AHCTF1: variants seen among roughly 807,000 people sequenced by gnomAD.
AHCTF1 encodes the protein AT-hook containing transcription factor 1, also known as protein ELYS.
In AHCTF1, 24 loss-of-function variants were observed where a neutral mutation model predicts 248.4. The observed-to-expected ratio is 0.10, with a 90% CI of 0.07 to 0.14. The LOEUF is 0.14. AHCTF1 is among the 10% of genes least tolerant of loss of function. The probability of loss-of-function intolerance (pLI) is 1.00; values close to 1 mark genes in which losing one functional copy is unlikely to be tolerated. For missense variants in AHCTF1, 2,206 were observed against 2,636.2 expected (o/e 0.84, Z 3.57); for synonymous variants, 786 against 929.8 (o/e 0.85, Z 2.81).
chr1:246,901,840 A>T (rs1156889367), intron 8 of AHCTF1, among the ~76,000 whole-genome samples: 2 of 152,150 alleles, frequency 1.3e-5, no homozygotes, highest in Non-Finnish European at 2.9e-5. Context: ...AAATAAATAA[A>T]CAAATAAAAA....
chr1:246,855,632 C>A, intron 31 of AHCTF1, 98 bp downstream of exon 31: 1 of 946,562 alleles, frequency 1.1e-6, no homozygotes, highest in East Asian at 2.6e-5. Flanking sequence ...GAGGAAAAAT[C>A]TGAATAACAC....
Position 246,900,409 on chromosome 1 carries a change from C to T in AHCTF1, c.1178G>A (p.Gly393Glu). ...FTWQVNIYGQGKPSVYLGLFD... is the reference protein window; with the variant it reads ...FTWQVNIYGQEKPSVYLGLFD... ...AAGCCCCAAATATACAGAAGGCTTT[C>T]CCTGTCCATATATATTCACCTGCCA... The change falls in exon 9 of 36, where the codon GGA (glycine) becomes GAA (glutamate). Residue 393 changes from glycine (G) to glutamate (E), a missense_variant. Gly to Glu is a moderately conservative substitution (Grantham distance 98). This residue lies in a region of AHCTF1 where 650 missense variants were observed against 870.8 expected (regional missense o/e 0.75). Coordinates refer to ENST00000648844, the MANE Select transcript of AHCTF1 (RefSeq NM_001323342.2). 6.2e-7 allele frequency: 1 copy of T among 1,600,674 alleles called. No individual in the cohort carries two copies. The highest frequency in any genetic ancestry group is 8.5e-7 in the Non-Finnish European group (1 of 1,177,180).
intron 4 of AHCTF1, among the ~76,000 whole-genome samples, chr1:246,911,634 C>T (rs945120836): frequency 2.6e-5 from 4 of 151,910 alleles, no homozygotes; most frequent in Admixed American, 2.0e-4. Flanking sequence ...GAGGCATGCG[C>T]CACCACACCT....
At chr1:246,863,568 G>A (rs1448971819) in intron 27 of AHCTF1, among the ~76,000 whole-genome samples, 1 of 151,924 alleles carries the variant, frequency 6.6e-6, no homozygotes, top group East Asian at 1.9e-4. Flanking sequence ...ATAAACCAAA[G>A]AACTAAATAG....
chr1:246,859,361 C>T (rs1661350878), intron 29 of AHCTF1, among the ~76,000 whole-genome samples: 1 of 152,114 alleles, frequency 6.6e-6, no homozygotes, highest in African/African-American at 2.4e-5. Context: ...TGAAGTCTCT[C>T]CCATTTACTA....
intron 24 of AHCTF1, among the ~76,000 whole-genome samples, chr1:246,874,263 T>A (rs929389960): frequency 6.6e-6 from 1 of 152,144 alleles, no homozygotes; most frequent in African/African-American, 2.4e-5. Flanking sequence ...TCTGTCTCCC[T>A]TGCATAAAGA....
chr1:246,888,267 C>A lies in AHCTF1; in HGVS notation c.2269-34G>T. 3 of 1,613,200 alleles carry A rather than the reference C, an allele frequency of 1.9e-6. No homozygotes were observed. In the South Asian group the frequency reaches 3.3e-5, roughly 18 times the overall value. On this transcript the variant is annotated intron_variant, in intron 18 of 35. Transcript: ENST00000648844. ...CAAAGGGATAAAACCTTCAGTGGAT[C>A]TTATACAGTCATTCATTCATTCATG...
chr1:246,868,516 A>G (rs1041175786), intron 24 of AHCTF1, among the ~76,000 whole-genome samples: 5 of 151,922 alleles, frequency 3.3e-5, no homozygotes, highest in African/African-American at 1.2e-4. Context: ...CGGCCTCTCA[A>G]AGTGCTGGGA....
intron 17 of AHCTF1, among the ~76,000 whole-genome samples, chr1:246,889,185 T>C (rs952347533): frequency 2.0e-5 from 3 of 152,238 alleles, no homozygotes; most frequent in African/African-American, 7.2e-5. Context: ...TAGTCTTTTA[T>C]CCTCAGTGAT....
chr1:246,863,739 T>G (rs939382100), intron 27 of AHCTF1, among the ~76,000 whole-genome samples, 185 bp downstream of exon 27: 5 of 152,214 alleles, frequency 3.3e-5, no homozygotes, highest in Admixed American at 1.3e-4. Flanking sequence ...ATGTTAACTT[T>G]AAGCAGGAAG....
chr1:246,878,858 T>C (rs1663184929), intron 21 of AHCTF1, among the ~76,000 whole-genome samples: 1 of 152,206 alleles, frequency 6.6e-6, no homozygotes, highest in Non-Finnish European at 1.5e-5. Context: ...TGTAGAGGTA[T>C]TCCCTAAAAA....
intron 24 of AHCTF1, among the ~76,000 whole-genome samples, chr1:246,874,068 ATATTT>A (rs1435834528): frequency 6.6e-6 from 1 of 152,102 alleles, no homozygotes; most frequent in Non-Finnish European, 1.5e-5. Flanking sequence ...ATCACCATTA[ATATTT>A]TATTATTAAA....
rs1392481365 is a variant in AHCTF1 at position 246,839,568 on chromosome 1, T to G, written c.*1238A>C. 1.0e-6 allele frequency: 1 copy of G among 985,758 alleles called. No individual in the cohort carries two copies. The highest frequency in any genetic ancestry group is 1.2e-6 in the Non-Finnish European group (1 of 829,932). 61.1% of individuals were successfully genotyped at this position (985,758 alleles called of 1,614,324 possible). A position where few individuals can be genotyped will look rare whatever the true frequency, so the allele number is the denominator to read the frequency against. On this transcript the variant is annotated 3_prime_UTR_variant, in exon 36 of 36. Coordinates refer to ENST00000648844, the MANE Select transcript of AHCTF1 (RefSeq NM_001323342.2). ...CCGCACTCGCACTGCTTTCACACTG[T>G]CAACACTTTGCGTAGGCATTTTCAC...
At chr1:246,852,346 TAAA>T (rs1232076626) in intron 32 of AHCTF1, among the ~76,000 whole-genome samples, 32 of 151,496 alleles carry the variant, frequency 2.1e-4, no homozygotes, top group Non-Finnish European at 4.3e-4. Context: ...TCCCAAATCC[TAAA>T]CAAATTTCTA....
intron 25 of AHCTF1, 27 bp downstream of exon 25, chr1:246,867,634 G>T (rs1662080701): frequency 6.2e-7 from 1 of 1,606,650 alleles, no homozygotes; most frequent in South Asian, 1.1e-5. Flanking sequence ...CAAGCAGCAT[G>T]ACTATGAAAC....
chr1:246,875,897 G>T, intron 24 of AHCTF1, 140 bp downstream of exon 24: 1 of 823,680 alleles, frequency 1.2e-6, no homozygotes, highest in Non-Finnish European at 1.8e-6. Context: ...GCAGTGATCT[G>T]GAACCAAACC....
At chr1:246,884,329 T>G (rs984670811) in intron 21 of AHCTF1, among the ~76,000 whole-genome samples, 3 of 152,150 alleles carry the variant, frequency 2.0e-5, no homozygotes, top group African/African-American at 4.8e-5. Flanking sequence ...ATTAAACTTC[T>G]TTTCTTCTGC....
chr1:246,876,642 T>A (rs1662987673), intron 23 of AHCTF1, among the ~76,000 whole-genome samples: 1 of 152,180 alleles, frequency 6.6e-6, no homozygotes. Context: ...CTCTACGTCT[T>A]CCTCTACCAC....
rs763417017 is a variant in AHCTF1 at position 246,840,811 on chromosome 1, G to C, written c.6796C>G (p.Leu2266Val). The change falls in exon 36 of 36, where the codon CTG (leucine) becomes GTG (valine). Residue 2266 changes from leucine to valine, a missense_variant. Transcript: ENST00000648844. ...ATTAAAATCTTCCCAAGAAATTACA[G>C]CATTTTTCTGCGTAAAATTTGCTTT... is the stretch of plus-strand genomic sequence containing the variant. ...YPKQILRRKM[L>V] 1.9e-6 allele frequency: 3 copies of C among 1,596,298 alleles called. No homozygotes were observed. The highest frequency in any genetic ancestry group is 2.6e-6 in the Non-Finnish European group (3 of 1,173,360).
Sources: allele counts gnomAD v4.1 joint callset (sites outside exome capture counted in the v4.1 genomes callset), GRCh38; gene constraint gnomAD v4.1.1; regional missense constraint gnomAD v4.1.1; transcripts MANE v1.5; gene names NCBI Gene and HGNC (gene_info 2026-07-23, HGNC 2026-07-21).